The following NOL9 variants were observed in gnomAD, a reference collection of about 807,000 sequenced individuals.
The protein encoded by NOL9 is nucleolar protein 9.
NOL9 carries 28 observed loss-of-function variants against 67.9 expected under a neutral mutation model. The observed-to-expected ratio is 0.41, with a 90% CI of 0.31 to 0.57. The LOEUF (loss-of-function observed/expected upper bound fraction) is 0.57, where lower values mean the gene tolerates loss of function less well. Ranked by LOEUF, NOL9 falls within the 20% of genes least tolerant of loss-of-function variation. NOL9 has a pLI of 0.25. For missense variants in NOL9, 777 were observed against 897.0 expected (o/e 0.87, Z 1.71); for synonymous variants, 356 against 352.2 (o/e 1.01, Z -0.12).
intron 3 of NOL9, 87 bp from the exon 4 acceptor site, chr1:6,545,267 G>C (rs1639394759): frequency 7.5e-7 from 1 of 1,334,606 alleles, no homozygotes; most frequent in African/African-American, 1.5e-5. Context: ...ACAGTTGTGA[G>C]CCAGAGAAGA....
At position 6,541,873 on chromosome 1, in the gene NOL9, A is replaced by G. The variant is rs1167433575; in HGVS notation, c.1032T>C (p.Pro344=). ...ECDLGQTEFT[P]PGCISLLNIT... ...TATTAAGCAAAGAAATGCAACCAGGAGGGGTAAATTCTGTCTGTCCCAGAT... is the reference window on the plus strand; with the variant it reads ...TATTAAGCAAAGAAATGCAACCAGGGGGGGTAAATTCTGTCTGTCCCAGAT... The change falls in exon 6 of 12, where the codon CCT becomes CCC. Residue 344 remains proline, a synonymous_variant. Coordinates refer to ENST00000377705, the MANE Select transcript of NOL9 (RefSeq NM_024654.5). The G allele has an allele frequency of 3.2e-5, 52 of 1,609,458 alleles. No homozygotes were observed. The highest frequency in any genetic ancestry group is 4.3e-5 in the Non-Finnish European group (51 of 1,178,068).
Position 6,522,529 on chromosome 1 carries a change from G to A in NOL9, c.*3325C>T, listed in dbSNP as rs1473601917. 1 of 151,980 alleles carries A rather than the reference G, an allele frequency of 6.6e-6. No individual in the cohort carries two copies. Among genetic ancestry groups the A allele is most frequent in the African/African-American group, 2.4e-5 (1 of 41,374 alleles). 9.4% of individuals were successfully genotyped at this position (151,980 alleles called of 1,614,324 possible). A position where few individuals can be genotyped will look rare whatever the true frequency, so the allele number is the denominator to read the frequency against. ...CAGGCCACTGCACTCCAGCCTTGGC[G>A]ACAGAGAGTCCGTCGCAAAAGAAAA... On this transcript the variant is annotated 3_prime_UTR_variant, in exon 12 of 12. Coordinates refer to ENST00000377705, the MANE Select transcript of NOL9 (RefSeq NM_024654.5).
chr1:6,544,863 T>C lies in NOL9; in HGVS notation c.940A>G (p.Thr314Ala). The part of the protein sequence containing the change: ...VCGSQDVGKS[T>A]FNRYLINHLL... ...TGGTTAATCAGGTATCTATTAAATG[T>C]TGACTTTCCAACATCCTGGGATCCA... The change falls in exon 5 of 12, where the codon ACA becomes GCA. Residue 314 changes from threonine (T) to alanine (A), a missense_variant. Thr to Ala is a moderately conservative substitution (Grantham distance 58). This residue lies in a region of NOL9 where 413 missense variants were observed against 552.6 expected (regional missense o/e 0.75). Transcript: ENST00000377705. 1.9e-6 allele frequency: 3 copies of C among 1,614,252 alleles called. No individual in the cohort carries two copies. The highest frequency in any genetic ancestry group is 2.5e-6 in the Non-Finnish European group (3 of 1,180,048).
chr1:6,553,774 G>A lies in NOL9; in HGVS notation c.396+333C>T, dbSNP rs182819056. Among the ~76,000 whole-genome samples the A allele has an allele frequency of 9.2e-4, 140 of 152,244 alleles. 1 individual carries two copies. The highest frequency in any genetic ancestry group is 3.3e-3 in the African/African-American group (137 of 41,520). The stretch of plus-strand genomic sequence containing the variant: ...GGGGAATCGCTTCAACCCGGGATGC[G>A]GAGGTTGCAGTGAGCCGAGATTGTG... On this transcript the variant is annotated intron_variant, in intron 1 of 11. Coordinates refer to ENST00000377705, the MANE Select transcript of NOL9 (RefSeq NM_024654.5).
At chr1:6,540,858 T>C (rs1226855617) in intron 6 of NOL9, 1 of 151,584 alleles carries the variant, frequency 6.6e-6, no homozygotes, top group African/African-American at 2.4e-5. Context: ...AAGGTGGTAC[T>C]TACTCCAGCA....
chr1:6,549,508 TC>T, intron 3 of NOL9, 62 bp downstream of exon 3: 3 of 1,584,488 alleles, frequency 1.9e-6, no homozygotes. Context: ...TCCTACATAG[TC>T]ATTTGAAATC....
chr1:6,536,282 C>T (rs1639154080), intron 6 of NOL9, among the ~76,000 whole-genome samples: 1 of 151,644 alleles, frequency 6.6e-6, no homozygotes, highest in Non-Finnish European at 1.5e-5. Flanking sequence ...GGAGGCGGAG[C>T]TTGCAGTGAG....
intron 5 of NOL9, among the ~76,000 whole-genome samples, chr1:6,542,536 T>C (rs1157234176): frequency 6.1e-5 from 9 of 148,252 alleles, no homozygotes; most frequent in Non-Finnish European, 1.0e-4. Flanking sequence ...TGGCTCACTA[T>C]AACCTCCGTC....
At chr1:6,538,386 G>T (rs993854047) in intron 6 of NOL9, among the ~76,000 whole-genome samples, 2 of 152,100 alleles carry the variant, frequency 1.3e-5, no homozygotes, top group East Asian at 3.9e-4. Flanking sequence ...AAACATGCAG[G>T]CTGGGACCGG....
chr1:6,543,315 C>A (rs1360453372), intron 5 of NOL9, among the ~76,000 whole-genome samples: 1 of 152,080 alleles, frequency 6.6e-6, no homozygotes, highest in Admixed American at 6.5e-5. Context: ...CCTGCCTCAG[C>A]CTCCCGAATA....
chr1:6,543,626 A>C (rs1300965154), intron 5 of NOL9, among the ~76,000 whole-genome samples: 1 of 152,074 alleles, frequency 6.6e-6, no homozygotes, highest in Non-Finnish European at 1.5e-5. Flanking sequence ...TTGCCTCCCA[A>C]AGTGCTGCGA....
chr1:6,532,236 ACT>A (rs1639045871), intron 8 of NOL9, 157 bp from the exon 9 acceptor site: 4 of 726,108 alleles, frequency 5.5e-6, no homozygotes, highest in African/African-American at 1.8e-5. Flanking sequence ...AAGTGTAAAG[ACT>A]CTCCTTTAAG....
intron 5 of NOL9, among the ~76,000 whole-genome samples, chr1:6,543,492 G>A (rs1211301669): frequency 6.6e-6 from 1 of 152,012 alleles, no homozygotes; most frequent in Non-Finnish European, 1.5e-5. Flanking sequence ...ACTGCGCCCA[G>A]GCTTTATTTA....
At chr1:6,537,816 A>G (rs1457896207) in intron 6 of NOL9, among the ~76,000 whole-genome samples, 1 of 152,026 alleles carries the variant, frequency 6.6e-6, no homozygotes, top group Non-Finnish European at 1.5e-5. Context: ...ATGGATCAAA[A>G]ACCTAAACTT....
chr1:6,534,043 A>G (rs1206309272), intron 6 of NOL9, among the ~76,000 whole-genome samples: 1 of 152,072 alleles, frequency 6.6e-6, no homozygotes, highest in Non-Finnish European at 1.5e-5. Context: ...ATGTGCCACC[A>G]TGCCCGGCTT....
chr1:6,532,777 T>C lies in NOL9; in HGVS notation c.1238-17A>G. ...GCCCCTGGTCTGTGGGGAAGAGACATTAGCACAGCTGATACACTCAAGAAC... is the reference window on the plus strand; with the variant it reads ...GCCCCTGGTCTGTGGGGAAGAGACACTAGCACAGCTGATACACTCAAGAAC... On this transcript the variant is annotated splice_polypyrimidine_tract_variant and intron_variant, in intron 7 of 11. Coordinates refer to ENST00000377705, the MANE Select transcript of NOL9 (RefSeq NM_024654.5). 1.2e-6 allele frequency: 2 copies of C among 1,601,376 alleles called. No individual in the cohort carries two copies. Among genetic ancestry groups the C allele is most frequent in the Non-Finnish European group, 1.7e-6 (2 of 1,172,546 alleles).
At chr1:6,537,125 G>A (rs1180144630) in intron 6 of NOL9, among the ~76,000 whole-genome samples, 1 of 152,028 alleles carries the variant, frequency 6.6e-6, no homozygotes, top group African/African-American at 2.4e-5. Flanking sequence ...TGACAAAGGT[G>A]CTAATAACAA....
At chr1:6,528,677 C>A (rs1283697698) in intron 10 of NOL9, among the ~76,000 whole-genome samples, 1 of 152,210 alleles carries the variant, frequency 6.6e-6, no homozygotes, top group Non-Finnish European at 1.5e-5. Flanking sequence ...TTGGAGGACA[C>A]TGCAAAAAGG....
In NOL9 at chr1:6,529,109, T is replaced by TG; in HGVS notation, c.1709_1710insC (p.Tyr571IlefsTer16). ...CAACCCAGCTGGCGTTTACAGCATA[T>TG]AGTATATGGGTAGGGGCGACATCAG... On this transcript the variant is annotated frameshift_variant, in exon 10 of 12. Coordinates refer to ENST00000377705, the MANE Select transcript of NOL9 (RefSeq NM_024654.5). LOFTEE classifies it high-confidence loss of function. 1 of 1,613,942 alleles carries TG rather than the reference T, an allele frequency of 6.2e-7. No homozygotes were observed. The highest frequency in any genetic ancestry group is 8.5e-7 in the Non-Finnish European group (1 of 1,179,966).
Sources: allele counts gnomAD v4.1 joint callset (sites outside exome capture counted in the v4.1 genomes callset), GRCh38; gene constraint gnomAD v4.1.1; regional missense constraint gnomAD v4.1.1; transcripts MANE v1.5; gene names NCBI Gene and HGNC (gene_info 2026-07-23, HGNC 2026-07-21).